STPG2: variants seen among roughly 807,000 people sequenced by gnomAD.
STPG2 encodes the protein sperm-tail PG-rich repeat-containing protein 2.
In STPG2, 56 loss-of-function variants were observed where a neutral mutation model predicts 54.2. The observed-to-expected ratio is 1.03, with a 90% confidence interval of 0.83 to 1.29. STPG2 has a LOEUF of 1.29. STPG2 is among the 50% of genes most tolerant of loss of function. STPG2 has a pLI of 0.00. For synonymous variants in STPG2, 200 were observed against 181.8 expected (o/e 1.10, Z -0.81); for missense variants, 596 against 544.9 (o/e 1.09, Z -0.93).
chr4:97,628,959 CA>C (rs906504607), intron 10 of STPG2, among the ~76,000 whole-genome samples: 3 of 151,872 alleles, frequency 2.0e-5, no homozygotes, highest in Admixed American at 6.6e-5. Context: ...TTAAGCTTTC[CA>C]AAGCAAAGAC....
At chr4:98,107,891 A>G (rs1246354013) in intron 4 of STPG2, among the ~76,000 whole-genome samples, 1 of 152,160 alleles carries the variant, frequency 6.6e-6, no homozygotes, top group Non-Finnish European at 1.5e-5. Flanking sequence ...GTGTTAGAGT[A>G]TTCTACAGAC....
chr4:97,662,620 T>C (rs993139286), intron 10 of STPG2, among the ~76,000 whole-genome samples: 1 of 152,154 alleles, frequency 6.6e-6, no homozygotes, highest in African/African-American at 2.4e-5. Flanking sequence ...TAGGTCCCCA[T>C]TAACAGTGGA....
chr4:97,786,250 A>T (rs1475136432), intron 9 of STPG2, among the ~76,000 whole-genome samples: 4 of 151,566 alleles, frequency 2.6e-5, no homozygotes, highest in African/African-American at 9.7e-5. Flanking sequence ...TGAATTTAGA[A>T]TAGAATTTTC....
chr4:97,635,512 G>C (rs146323254), intron 10 of STPG2, among the ~76,000 whole-genome samples: 2,266 of 152,226 alleles, frequency 0.015, 51 homozygotes, highest in African/African-American at 0.05. Flanking sequence ...AATGTAAATG[G>C]ACTAAATGCT....
intron 2 of STPG2, among the ~76,000 whole-genome samples, chr4:98,129,287 A>T (rs13138063): frequency 6.6e-6 from 1 of 151,780 alleles, no homozygotes; most frequent in Admixed American, 6.6e-5. Flanking sequence ...CTACTATGCA[A>T]AAACAAACTT....
chr4:98,062,819 G>T (rs1036080666), intron 5 of STPG2, among the ~76,000 whole-genome samples: 1 of 151,860 alleles, frequency 6.6e-6, no homozygotes, highest in Non-Finnish European at 1.5e-5. Context: ...GCATCCATTG[G>T]ATATTAATTA....
intron 8 of STPG2, among the ~76,000 whole-genome samples, chr4:97,933,704 T>A (rs1732636585): frequency 1.3e-5 from 2 of 152,174 alleles, no homozygotes; most frequent in Non-Finnish European, 2.9e-5. Flanking sequence ...AGATCTCTAT[T>A]CTGTTCCGTT....
At chr4:97,591,829 A>G (rs1027066886) in intron 10 of STPG2, among the ~76,000 whole-genome samples, 3 of 152,358 alleles carry the variant, frequency 2.0e-5, no homozygotes, top group Middle Eastern at 3.4e-3. Flanking sequence ...GAGGAGGTAC[A>G]TTAAGATTTC....
chr4:97,867,894 A>G (rs1434322849), intron 8 of STPG2, among the ~76,000 whole-genome samples: 1 of 152,060 alleles, frequency 6.6e-6, no homozygotes, highest in Non-Finnish European at 1.5e-5. Flanking sequence ...ACATTATCAC[A>G]TGGATACACT....
At chr4:97,930,870 T>C (rs185024924) in intron 8 of STPG2, among the ~76,000 whole-genome samples, 20 of 152,288 alleles carry the variant, frequency 1.3e-4, no homozygotes, top group African/African-American at 4.8e-4. Flanking sequence ...TTGAGCAGTG[T>C]TTTGTAATTC....
intron 7 of STPG2, among the ~76,000 whole-genome samples, chr4:97,953,512 C>T (rs1268154895): frequency 1.3e-5 from 2 of 152,128 alleles, no homozygotes; most frequent in Admixed American, 6.6e-5. Context: ...CACCTTCTCC[C>T]TGCCTGAGTT....
chr4:97,932,018 T>C (rs964233040), intron 8 of STPG2, among the ~76,000 whole-genome samples: 8 of 152,182 alleles, frequency 5.3e-5, no homozygotes, highest in African/African-American at 1.9e-4. Context: ...CTAGGTTTTG[T>C]ACTTTGTGTG....
chr4:97,946,695 T>C (rs549230304), intron 7 of STPG2, among the ~76,000 whole-genome samples: 3 of 152,198 alleles, frequency 2.0e-5, no homozygotes, highest in African/African-American at 4.8e-5. Flanking sequence ...CAAAGATCAG[T>C]TGGTTGTAAA....
intron 5 of STPG2, among the ~76,000 whole-genome samples, chr4:97,990,047 A>T (rs1734956777): frequency 6.6e-6 from 1 of 152,208 alleles, no homozygotes; most frequent in Non-Finnish European, 1.5e-5. Flanking sequence ...CTTTTCTACT[A>T]TTTTCAACAG....
chr4:97,752,433 C>T (rs1470249843), intron 9 of STPG2, among the ~76,000 whole-genome samples: 2 of 151,716 alleles, frequency 1.3e-5, no homozygotes, highest in Admixed American at 6.6e-5. Context: ...AACAATTTCT[C>T]TAAAGTTCTT....
intron 5 of STPG2, among the ~76,000 whole-genome samples, chr4:98,053,714 A>G (rs1488273038): frequency 2.0e-5 from 3 of 152,110 alleles, no homozygotes; most frequent in Non-Finnish European, 2.9e-5. Flanking sequence ...TTGAGACATA[A>G]TTGTGGAAAC....
intron 8 of STPG2, among the ~76,000 whole-genome samples, chr4:97,853,461 T>G (rs1272061950): frequency 6.6e-6 from 1 of 152,140 alleles, no homozygotes; most frequent in Non-Finnish European, 1.5e-5. Context: ...AAAAACAGAA[T>G]TGTGCAAATT....
chr4:97,553,271 T>C (rs1444316157), intron 4 of STPG2, among the ~76,000 whole-genome samples: 1 of 152,220 alleles, frequency 6.6e-6, no homozygotes, highest in Non-Finnish European at 1.5e-5. Context: ...CTACTTGCTT[T>C]CACATTGGTA....
At chr4:98,087,620 C>G (rs58715491) in intron 5 of STPG2, among the ~76,000 whole-genome samples, 58,302 of 145,648 alleles carry the variant, frequency 0.4, 11,803 homozygotes, top group Middle Eastern at 0.47. Context: ...GAATGCAGTG[C>G]CGCAATCTCG....
Sources: allele counts gnomAD v4.1 joint callset (sites outside exome capture counted in the v4.1 genomes callset), GRCh38; gene constraint gnomAD v4.1.1; transcripts MANE v1.5; gene names NCBI Gene and HGNC (gene_info 2026-07-23, HGNC 2026-07-21).